Variants in PRCC observed in about 807,000 individuals in gnomAD.
PRCC encodes proline rich mitotic checkpoint control factor, also known as proline-rich protein PRCC.
In PRCC, 10 loss-of-function variants were observed where a neutral mutation model predicts 44.0. The ratio of observed to expected loss-of-function variants is 0.23; its 90% CI spans 0.14 to 0.39. PRCC has a LOEUF of 0.39. Among genes scored for constraint, PRCC ranks in the 10% least tolerant of loss-of-function variants. The probability of loss-of-function intolerance (pLI) is 1.00; values close to 1 mark genes in which losing one functional copy is unlikely to be tolerated. For missense variants in PRCC, 573 were observed against 624.7 expected (o/e 0.92, Z 0.88); for synonymous variants, 278 against 259.5 (o/e 1.07, Z -0.69).
rs1270017988 is a variant in PRCC at position 156,767,859 on chromosome 1, A to G, written c.88A>G (p.Thr30Ala). The G allele has an allele frequency of 6.2e-7, 1 of 1,608,942 alleles. No individual in the cohort carries two copies. Among genetic ancestry groups the G allele is most frequent in the Non-Finnish European group, 8.5e-7 (1 of 1,178,542 alleles). ...EPEEEEAVAPTSGPALGGLFA... is the reference protein window; with the variant it reads ...EPEEEEAVAPASGPALGGLFA... ...GGAGGAAGAGGAGGCGGTGGCTCCT[A>G]CATCTGGGCCCGCTTTAGGGGGCTT... The change falls in exon 1 of 7, where the codon ACA (threonine) becomes GCA (alanine). Residue 30 changes from threonine (T) to alanine (A), a missense_variant. Coordinates refer to ENST00000271526, the MANE Select transcript of PRCC (RefSeq NM_005973.5).
At position 156,786,737 on chromosome 1, in the gene PRCC, A is replaced by G; in HGVS notation, c.646A>G (p.Lys216Glu). ...ACCCTCGGATGGCTCCCCTGATACT[A>G]AGCCCTCCAGACTGGCTTCTAAGAC... ...RKPSDGSPDT[K>E]PSRLASKTKT... Residue 216 changes from lysine (K) to glutamate (E), a missense_variant, in exon 3 of 7, where the codon AAG becomes GAG. Lys to Glu is a moderately conservative substitution (Grantham distance 56). Transcript: ENST00000271526. 9 of 1,614,054 alleles carry G rather than the reference A, an allele frequency of 5.6e-6. No homozygotes were observed. Among genetic ancestry groups the G allele is most frequent in the Non-Finnish European group, 6.8e-6 (8 of 1,179,998 alleles).
At chr1:156,779,552 A>T (rs1056687490) in intron 1 of PRCC, among the ~76,000 whole-genome samples, 6 of 151,756 alleles carry the variant, frequency 4.0e-5, no homozygotes, top group African/African-American at 1.4e-4. Context: ...TATTTTTCGT[A>T]GAGACGAGGT....
chr1:156,768,188 G>A lies in PRCC; in HGVS notation c.417G>A (p.Lys139=). 1 of 1,549,780 alleles carries A rather than the reference G, an allele frequency of 6.5e-7. No homozygotes were observed. The highest frequency in any genetic ancestry group is 8.7e-7 in the Non-Finnish European group (1 of 1,147,886). The change falls in exon 1 of 7, where the codon AAG becomes AAA. Residue 139 remains lysine, a synonymous_variant. Transcript: ENST00000271526. ...CCCCGCTGGGGCTTCCCAAGCCAAAGAAGAGGAAAGAGCCCGTGAAGATCG... is the reference window on the plus strand; with the variant it reads ...CCCCGCTGGGGCTTCCCAAGCCAAAAAAGAGGAAAGAGCCCGTGAAGATCG... ...AGPPLGLPKP[K]KRKEPVKIAA...
intron 1 of PRCC, among the ~76,000 whole-genome samples, chr1:156,769,099 A>G (rs1571568704): frequency 6.6e-6 from 1 of 152,272 alleles, no homozygotes; most frequent in Non-Finnish European, 1.5e-5. Flanking sequence ...GCCTTGGAGC[A>G]GGAACTGCTT....
chr1:156,795,977 C>T (rs1254265373), intron 5 of PRCC: 1 of 152,178 alleles, frequency 6.6e-6, no homozygotes, highest in Admixed American at 6.5e-5. Context: ...TTGCTTTGTT[C>T]TATGGCCACA....
intron 1 of PRCC, among the ~76,000 whole-genome samples, chr1:156,774,152 G>A (rs1420711869): frequency 1.2e-5 from 1 of 85,724 alleles, no homozygotes; most frequent in Non-Finnish European, 2.4e-5. Flanking sequence ...CTTTTTTTGA[G>A]TCACCTTTTT....
At chr1:156,774,599 GCCTC>G (rs1651752969) in intron 1 of PRCC, among the ~76,000 whole-genome samples, 3 of 151,986 alleles carry the variant, frequency 2.0e-5, no homozygotes, top group African/African-American at 7.3e-5. Context: ...CAACCCTGCT[GCCTC>G]AGTCTCCGCA....
chr1:156,775,665 C>T (rs1181953451), intron 1 of PRCC, among the ~76,000 whole-genome samples: 3 of 152,060 alleles, frequency 2.0e-5, no homozygotes, highest in African/African-American at 7.2e-5. Context: ...CACCCGCCAC[C>T]ACCCCCGGCT....
chr1:156,776,065 A>G (rs1651817249), intron 1 of PRCC, among the ~76,000 whole-genome samples: 1 of 151,926 alleles, frequency 6.6e-6, no homozygotes, highest in African/African-American at 2.4e-5. Context: ...TTTATATAAG[A>G]TGTTCGGGCT....
At chr1:156,781,860 TAA>T (rs2102761211) in intron 1 of PRCC, among the ~76,000 whole-genome samples, 1 of 152,364 alleles carries the variant, frequency 6.6e-6, no homozygotes, top group African/African-American at 2.4e-5. Flanking sequence ...TAAGTGGTTT[TAA>T]AAGTGAAGCT....
At chr1:156,797,193 C>T in intron 5 of PRCC, 83 bp from the exon 6 acceptor site, 1 of 1,557,564 alleles carries the variant, frequency 6.4e-7, no homozygotes, top group Non-Finnish European at 8.8e-7. Flanking sequence ...GGCTTCTCAG[C>T]CCCTAACACC....
rs186405045 is a variant in PRCC, at chr1:156,782,337, T to C, written c.516+8T>C. 632 of 1,600,202 alleles carry C rather than the reference T, an allele frequency of 3.9e-4. 1 individual carries two copies. Among genetic ancestry groups the C allele is most frequent in the Non-Finnish European group, 4.9e-4 (577 of 1,168,682 alleles). On this transcript the variant is annotated splice_region_variant and intron_variant, in intron 2 of 6. Transcript: ENST00000271526. Reference sequence around the variant, plus strand: ...AAGAAAACTATCCTTCAGGTAAGCATTGTGATATAAACCATTTTTTTTCTC... The same window carrying C: ...AAGAAAACTATCCTTCAGGTAAGCACTGTGATATAAACCATTTTTTTTCTC...
intron 1 of PRCC, among the ~76,000 whole-genome samples, chr1:156,769,000 A>C (rs1301508944): frequency 6.6e-6 from 1 of 152,196 alleles, no homozygotes; most frequent in African/African-American, 2.4e-5. Flanking sequence ...TTTCTAGAAG[A>C]GGCAGCGAGT....
intron 3 of PRCC, among the ~76,000 whole-genome samples, chr1:156,787,450 G>GACAT (rs1652300522): frequency 8.0e-6 from 1 of 124,930 alleles, no homozygotes; most frequent in African/African-American, 3.2e-5. Flanking sequence ...ATTTGTGATT[G>GACAT]ATATATATAT....
chr1:156,800,524 C>T lies in PRCC; in HGVS notation c.*64C>T, dbSNP rs1652800318. On this transcript the variant is annotated 3_prime_UTR_variant, in exon 7 of 7. Transcript: ENST00000271526. Reference sequence around the variant, plus strand: ...CCAGCTGGCCTGGCCCCCAGCTTCACCTCTGGGACCCCAGCTGCTCTAAGC... The same window carrying T: ...CCAGCTGGCCTGGCCCCCAGCTTCATCTCTGGGACCCCAGCTGCTCTAAGC... 4 of 1,520,248 alleles carry T rather than the reference C, an allele frequency of 2.6e-6. No homozygotes were observed. In the South Asian group the frequency reaches 3.4e-5, roughly 13 times the overall value. The allele number at this position is 1,520,248 out of a possible 1,614,324, so 94.2% of individuals were successfully genotyped here. A position where few individuals can be genotyped will look rare whatever the true frequency, so the allele number is the denominator to read the frequency against.
chr1:156,767,780 G>A lies in PRCC; in HGVS notation c.9G>A (p.Leu3=). The change falls in exon 1 of 7, where the codon CTG becomes CTA. Residue 3 remains leucine (L), a synonymous_variant. Coordinates refer to ENST00000271526, the MANE Select transcript of PRCC (RefSeq NM_005973.5). ...GAAACGCGGGAGGCGCCATGTCGCT[G>A]GTTGCTTACGCCAGCAGCGATGAGA... MS[L]VAYASSDESE... 1 of 1,603,072 alleles carries A rather than the reference G, an allele frequency of 6.2e-7. No homozygotes were observed. Among genetic ancestry groups the A allele is most frequent in the African/African-American group, 1.3e-5 (1 of 74,858 alleles).
chr1:156,782,430 AAC>A (rs1442940303), intron 2 of PRCC, 101 bp downstream of exon 2: 2 of 1,094,024 alleles, frequency 1.8e-6, no homozygotes, highest in East Asian at 2.6e-5. Flanking sequence ...GCTTAGAGCA[AAC>A]ACAGATATTT....
intron 2 of PRCC, 70 bp downstream of exon 2, chr1:156,782,399 A>G (rs1336318561): frequency 5.7e-6 from 8 of 1,403,964 alleles, no homozygotes; most frequent in Non-Finnish European, 7.9e-6. Context: ...GACTTACAGT[A>G]TCCAGCAGTT....
intron 3 of PRCC, among the ~76,000 whole-genome samples, chr1:156,788,825 C>G (rs1232429741): frequency 6.6e-6 from 1 of 151,944 alleles, no homozygotes; most frequent in Non-Finnish European, 1.5e-5. Flanking sequence ...CCATGACCCG[C>G]TAATTTCTTT....
Sources: allele counts gnomAD v4.1 joint callset (sites outside exome capture counted in the v4.1 genomes callset), GRCh38; gene constraint gnomAD v4.1.1; transcripts MANE v1.5; gene names NCBI Gene and HGNC (gene_info 2026-07-23, HGNC 2026-07-21).